Variants in CDH8 observed in about 807,000 individuals in gnomAD.
CDH8 encodes cadherin 8, also known as cadherin-8.
CDH8 carries 17 observed loss-of-function variants against 68.1 expected under a neutral mutation model. That is an observed-to-expected ratio of 0.25 (90% CI 0.17 to 0.37). The LOEUF (loss-of-function observed/expected upper bound fraction) is 0.37. Ranked by LOEUF, CDH8 falls within the 10% of genes least tolerant of loss-of-function variation. The pLI is 1.00. For missense variants in CDH8, 763 were observed against 999.3 expected (o/e 0.76, Z 3.19); for synonymous variants, 372 against 365.1 (o/e 1.02, Z -0.21).
At chr16:61,668,632 TA>T (rs779156608) in intron 10 of CDH8, among the ~76,000 whole-genome samples, 1 of 143,322 alleles carries the variant, frequency 7.0e-6, no homozygotes, top group African/African-American at 2.6e-5. Flanking sequence ...TGAAGAAGGG[TA>T]AAAAATGCAT....
At chr16:61,689,009 C>T (rs1234283350) in intron 10 of CDH8, among the ~76,000 whole-genome samples, 1 of 152,048 alleles carries the variant, frequency 6.6e-6, no homozygotes, top group Non-Finnish European at 1.5e-5. Flanking sequence ...CCAAGCAACA[C>T]ATTTCAAATA....
intron 1 of CDH8, among the ~76,000 whole-genome samples, chr16:62,034,217 A>ACGCG (rs1555531135): frequency 6.6e-6 from 1 of 151,368 alleles, no homozygotes; most frequent in African/African-American, 2.4e-5. Context: ...ACACACACAC[A>ACGCG]CGCACACGAA....
chr16:61,707,508 T>A (rs1964555560), intron 10 of CDH8, among the ~76,000 whole-genome samples: 1 of 152,108 alleles, frequency 6.6e-6, no homozygotes, highest in South Asian at 2.1e-4. Flanking sequence ...CCAAGACAAT[T>A]TTTTTCATGT....
At chr16:61,836,479 A>G (rs1330103170) in intron 4 of CDH8, among the ~76,000 whole-genome samples, 1 of 152,082 alleles carries the variant, frequency 6.6e-6, no homozygotes, top group Non-Finnish European at 1.5e-5. Flanking sequence ...GACAACATCA[A>G]TAACTACTAC....
intron 4 of CDH8, among the ~76,000 whole-genome samples, chr16:61,827,031 T>C (rs994516332): frequency 6.6e-6 from 1 of 151,844 alleles, no homozygotes; most frequent in African/African-American, 2.4e-5. Context: ...TATCAACCAT[T>C]CAGATTTAGA....
At chr16:61,772,207 A>T (rs1449533090) in intron 8 of CDH8, among the ~76,000 whole-genome samples, 2 of 151,968 alleles carry the variant, frequency 1.3e-5, no homozygotes, top group African/African-American at 4.8e-5. Context: ...TTCAGTGGGG[A>T]TGAAAGCCTA....
chr16:61,760,152 T>A (rs1291951629), intron 8 of CDH8, among the ~76,000 whole-genome samples: 1 of 152,142 alleles, frequency 6.6e-6, no homozygotes, highest in Non-Finnish European at 1.5e-5. Context: ...ACTGTCTAGA[T>A]GAGAAATGGT....
chr16:62,031,145 C>T (rs374709460), intron 1 of CDH8, among the ~76,000 whole-genome samples: 5 of 152,224 alleles, frequency 3.3e-5, no homozygotes, highest in Admixed American at 6.5e-5. Flanking sequence ...TAATAGCATT[C>T]TTTGATGCAA....
At chr16:61,692,795 G>A (rs1964255365) in intron 10 of CDH8, 1 of 152,104 alleles carries the variant, frequency 6.6e-6, no homozygotes, top group Non-Finnish European at 1.5e-5. Context: ...AAATATGTAA[G>A]ATTGACTTTG....
chr16:61,724,619 A>T (rs1402160256), intron 9 of CDH8, among the ~76,000 whole-genome samples: 1 of 150,676 alleles, frequency 6.6e-6, no homozygotes, highest in Non-Finnish European at 1.5e-5. Flanking sequence ...TTTGAATGTC[A>T]CCTGCAGTTT....
intron 1 of CDH8, 86 bp from the exon 2 acceptor site, chr16:62,021,688 G>A: frequency 1.5e-6 from 1 of 650,256 alleles, no homozygotes; most frequent in Non-Finnish European, 2.2e-6. Context: ...CACCTGAAGT[G>A]AACAATAGTA....
At chr16:61,739,915 A>ATATATATATATGTTT (rs373723105) in intron 8 of CDH8, among the ~76,000 whole-genome samples, 1 of 109,578 alleles carries the variant, frequency 9.1e-6, no homozygotes, top group East Asian at 3.2e-4. Flanking sequence ...ATATATATGT[A>ATATATATATATGTTT]TTTTTTTTTT....
chr16:61,838,651 A>T (rs1179863146), intron 4 of CDH8, among the ~76,000 whole-genome samples: 1 of 152,132 alleles, frequency 6.6e-6, no homozygotes, highest in Non-Finnish European at 1.5e-5. Flanking sequence ...ACTTGCAGCC[A>T]TTACTAGCAT....
intron 2 of CDH8, among the ~76,000 whole-genome samples, chr16:61,960,555 G>A (rs1965136534): frequency 6.6e-6 from 1 of 152,070 alleles, no homozygotes; most frequent in Admixed American, 6.6e-5. Context: ...TAATAAAGCG[G>A]GGAATATTGA....
chr16:61,647,960 G>T lies in CDH8; in HGVS notation c.*5648C>A, dbSNP rs761050479. 3 of 656,424 alleles carry T rather than the reference G, an allele frequency of 4.6e-6. No homozygotes were observed. Among genetic ancestry groups the T allele is most frequent in the Non-Finnish European group, 8.3e-6 (3 of 362,550 alleles). The allele number at this position is 656,424 out of a possible 1,614,324, so 40.7% of individuals were successfully genotyped here. ...TGCAAGAAATAATACTTGCATTCAA[G>T]ATGTGAATTAGATGGTGGCAGGTAA... On this transcript the variant is annotated 3_prime_UTR_variant, in exon 12 of 12. Coordinates refer to ENST00000577390, the MANE Select transcript of CDH8 (RefSeq NM_001796.5).
Position 61,650,976 on chromosome 16 carries a change from G to A in CDH8, c.*2632C>T, listed in dbSNP as rs1280492241. On this transcript the variant is annotated 3_prime_UTR_variant, in exon 12 of 12. Coordinates refer to ENST00000577390, the MANE Select transcript of CDH8 (RefSeq NM_001796.5). ...TTAGGCGATATTTGGGCAACTAGTA[G>A]AGCAGACATTATCTCCTGCTCACAG... The A allele has an allele frequency of 6.6e-6, 1 of 152,072 alleles. No homozygotes were observed. The highest frequency in any genetic ancestry group is 1.5e-5 in the Non-Finnish European group (1 of 68,024). 9.4% of individuals were successfully genotyped at this position (152,072 alleles called of 1,614,324 possible).
intron 2 of CDH8, among the ~76,000 whole-genome samples, chr16:61,951,726 C>T (rs1964901563): frequency 6.6e-6 from 1 of 152,102 alleles, no homozygotes; most frequent in Non-Finnish European, 1.5e-5. Flanking sequence ...CTTTCCTCAC[C>T]TACAGCACTT....
At chr16:61,704,650 T>G (rs1275974305) in intron 10 of CDH8, among the ~76,000 whole-genome samples, 1 of 152,244 alleles carries the variant, frequency 6.6e-6, no homozygotes, top group Non-Finnish European at 1.5e-5. Flanking sequence ...TTCCAACATT[T>G]TCAAACACTT....
intron 9 of CDH8, chr16:61,726,637 A>G (rs994885177): frequency 1.1e-5 from 2 of 181,568 alleles, no homozygotes; most frequent in African/African-American, 4.7e-5. Context: ...ACATATTTAC[A>G]GATTTCAATA....
Sources: allele counts gnomAD v4.1 joint callset (sites outside exome capture counted in the v4.1 genomes callset), GRCh38; gene constraint gnomAD v4.1.1; transcripts MANE v1.5; gene names NCBI Gene and HGNC (gene_info 2026-07-23, HGNC 2026-07-21).